ARHGAP23: variants seen among roughly 807,000 people sequenced by gnomAD.
ARHGAP23 encodes the protein rho GTPase-activating protein 23.
Under a neutral mutation model 136.3 loss-of-function variants are expected in ARHGAP23, and 34 were observed. The ratio of observed to expected loss-of-function variants is 0.25; its 90% CI spans 0.19 to 0.33. The LOEUF is 0.33. ARHGAP23 is among the 10% of genes least tolerant of loss of function. The probability of loss-of-function intolerance (pLI) is 1.00; values close to 1 mark genes in which losing one functional copy is unlikely to be tolerated. For missense variants in ARHGAP23, 1,808 were observed against 2,139.0 expected (o/e 0.85, Z 3.05); for synonymous variants, 832 against 920.5 (o/e 0.90, Z 1.74).
rs535432546 is a variant in ARHGAP23, at chr17:38,464,324, T to C, written c.483+942T>C. 3.3e-5 allele frequency among the ~76,000 whole-genome samples: 5 copies of C among 152,090 alleles called. No individual in the cohort carries two copies. The East Asian group carries it at 5.8e-4, about 18-fold the overall frequency. On this transcript the variant is annotated intron_variant, in intron 6 of 23. Transcript: ENST00000622683. ...CACACACACACTCACACTCACACAC[T>C]GCCTCTTTGTGCCTGGAGCCCCGGC...
In ARHGAP23 at chr17:38,510,783, C is replaced by A. The variant is rs557734782; in HGVS notation, c.4287C>A (p.Gly1429=). 204 of 1,495,220 alleles carry A rather than the reference C, an allele frequency of 1.4e-4. 2 individuals are homozygous for A. In the East Asian group the frequency reaches 5.0e-3, roughly 37 times the overall value. 92.6% of individuals were successfully genotyped at this position (1,495,220 alleles called of 1,614,324 possible). ...FNEWKELGGG[G]PPEPAGARAH... is the part of the protein sequence containing the mutation. ...AGTGGAAGGAGCTGGGCGGAGGGGG[C>A]CCCCCGGAGCCTGCGGGCGCGCGGG... The change falls in exon 24 of 24, where the codon GGC becomes GGA. Residue 1429 remains glycine, a synonymous_variant. Coordinates refer to ENST00000622683, the MANE Select transcript of ARHGAP23 (RefSeq NM_001199417.2). This position sits in a 1 kb window ranked among gnomAD's most constrained non-coding sequence, Gnocchi z 4.6.
At position 38,467,227 on chromosome 17, in the gene ARHGAP23, A is replaced by T; in HGVS notation, c.1544A>T (p.Asp515Val). ...PARQMNLGFG[D>V]ESPEPEASGR... ...AGACAGATGAACCTTGGATTTGGTG[A>T]CGAGTCCCCAGAGCCAGAGGCCAGT... Residue 515 changes from aspartate (D) to valine (V), a missense_variant, in exon 7 of 24, where the codon GAC becomes GTC. By Grantham distance (152) the Asp-to-Val change is radical. Transcript: ENST00000622683. 1.3e-6 allele frequency: 2 copies of T among 1,550,862 alleles called. No homozygotes were observed. The highest frequency in any genetic ancestry group is 1.7e-6 in the Non-Finnish European group (2 of 1,146,562).
rs185034754 is a variant in ARHGAP23, at chr17:38,455,248, G to A, written c.64-2854G>A. Among the ~76,000 whole-genome samples, 3 of 152,340 alleles carry A rather than the reference G, an allele frequency of 2.0e-5. 1 individual carries two copies. Among genetic ancestry groups the A allele is most frequent in the Non-Finnish European group, 2.9e-5 (2 of 68,026 alleles). ...AGGAAGAACTTCCCACAGGGGAGAT[G>A]CCAGCTCTGGCTTTTGATGGGTGTC... On this transcript the variant is annotated intron_variant, in intron 1 of 23. Transcript: ENST00000622683.
chr17:38,465,977 G>A (rs2039580807), intron 6 of ARHGAP23, among the ~76,000 whole-genome samples, 190 bp from the exon 7 acceptor site: 2 of 152,018 alleles, frequency 1.3e-5, no homozygotes, highest in African/African-American at 4.8e-5. Flanking sequence ...AAGGCTTCTT[G>A]CTTCTTCTTT....
chr17:38,477,692 G>T lies in ARHGAP23; in HGVS notation c.2232G>T (p.Ala744=), dbSNP rs995440572. ...CCGGGCCGGCGGCGGCGGGGGCTGC[G>T]GCGGCCGGCGCAGGTGAGGACGAGG... is the stretch of plus-strand genomic sequence containing the variant. ...REPGPAAAGA[A]AAGAGEDEAA... The change falls in exon 12 of 24, where the codon GCG becomes GCT. Residue 744 remains alanine (A), a synonymous_variant. Transcript: ENST00000622683. This position sits in a 1 kb window ranked among gnomAD's most constrained non-coding sequence, Gnocchi z 6.6. The T allele has an allele frequency of 7.2e-7, 1 of 1,393,462 alleles. No individual in the cohort carries two copies. Among genetic ancestry groups the T allele is most frequent in the African/African-American group, 1.5e-5 (1 of 65,376 alleles). 86.3% of individuals were successfully genotyped at this position (1,393,462 alleles called of 1,614,324 possible).
Position 38,477,719 on chromosome 17 carries a change from G to T in ARHGAP23, c.2259G>T (p.Ala753=). 1 of 1,544,406 alleles carries T rather than the reference G, an allele frequency of 6.5e-7. No individual in the cohort carries two copies. Among genetic ancestry groups the T allele is most frequent in the Non-Finnish European group, 8.7e-7 (1 of 1,143,780 alleles). ...CGGCCGGCGCAGGTGAGGACGAGGC[G>T]GCGCCCGTCTGCATCGGCTCCTGCC... is the stretch of plus-strand genomic sequence containing the variant. ...AAAAGAGEDE[A]APVCIGSCLV... The change falls in exon 12 of 24, where the codon GCG becomes GCT. Residue 753 remains alanine, a synonymous_variant. Transcript: ENST00000622683. This position sits in a 1 kb window ranked among gnomAD's most constrained non-coding sequence, Gnocchi z 6.6.
At chr17:38,490,369 A>G in intron 18 of ARHGAP23, 93 bp from the exon 19 acceptor site, 1 of 1,179,938 alleles carries the variant, frequency 8.5e-7, no homozygotes, top group South Asian at 1.3e-5. Flanking sequence ...TCCCTGAGGC[A>G]TGGTAGTGGG....
At position 38,466,858 on chromosome 17, in the gene ARHGAP23, G is replaced by A; in HGVS notation, c.1175G>A (p.Cys392Tyr). 6.5e-7 allele frequency: 1 copy of A among 1,549,278 alleles called. No individual in the cohort carries two copies. Among genetic ancestry groups the A allele is most frequent in the Middle Eastern group, 1.7e-4 (1 of 5,986 alleles). ...SQRSSARTPA[C>Y]PTRDLPGPQA... ...CGTTCGTCTGCCCGCACCCCCGCCT[G>A]CCCAACTCGGGACCTGCCAGGGCCC... The change falls in exon 7 of 24, where the codon TGC becomes TAC. Residue 392 changes from cysteine to tyrosine, a missense_variant. By Grantham distance (194) the Cys-to-Tyr change is radical (BLOSUM62 -2). This residue lies in a region of ARHGAP23 where 859 missense variants were observed against 936.4 expected (regional missense o/e 0.92). Transcript: ENST00000622683.
intron 11 of ARHGAP23, among the ~76,000 whole-genome samples, chr17:38,475,041 C>T (rs1223444785): frequency 6.6e-6 from 1 of 152,196 alleles, no homozygotes; most frequent in Non-Finnish European, 1.5e-5. Flanking sequence ...TTCTGGAGGA[C>T]CAGGCCTCCA....
chr17:38,493,541 A>T (rs2040325518), intron 20 of ARHGAP23, among the ~76,000 whole-genome samples: 1 of 152,194 alleles, frequency 6.6e-6, no homozygotes, highest in Non-Finnish European at 1.5e-5. Context: ...TAACTGAGCT[A>T]GTGTCCTTCC....
rs71138627 is a variant in ARHGAP23, at chr17:38,504,978, CTTTTTTTTTTTTTTTTTTTTTTTTTTTT to C, written c.3447+4368_3447+4395del. Among the ~76,000 whole-genome samples the C allele has an allele frequency of 2.8e-3, 122 of 43,172 alleles. 2 individuals carry two copies. Among genetic ancestry groups the C allele is most frequent in the Admixed American group, 7.5e-3 (17 of 2,274 alleles). The allele number at this position is 43,172 out of a possible 152,430, so 28.3% of individuals were successfully genotyped here. A position where few individuals can be genotyped will look rare whatever the true frequency, so the allele number is the denominator to read the frequency against. On this transcript the variant is annotated intron_variant, in intron 23 of 23. Coordinates refer to ENST00000622683, the MANE Select transcript of ARHGAP23 (RefSeq NM_001199417.2). ...ATTACTCAGAAGCCTCCCTTATCAT[CTTTTTTTTTTTTTTTTTTTTTTTTTTTT>C]TTTTTTTTTTTTTTTTTGAGACAGG...
chr17:38,510,309 G>A lies in ARHGAP23; in HGVS notation c.3813G>A (p.Ala1271=). ...CSGASGRRAG[A]GDEADDERSE... ...GCGCTAGCGGTCGGCGGGCAGGGGC[G>A]GGGGATGAGGCGGACGACGAGCGTA... Residue 1271 remains alanine (A), a synonymous_variant, in exon 24 of 24, where the codon GCG becomes GCA. Transcript: ENST00000622683. The surrounding 1 kb of genome is among the most constrained non-coding windows in gnomAD (Gnocchi z 4.6). 1 of 1,279,148 alleles carries A rather than the reference G, an allele frequency of 7.8e-7. No homozygotes were observed. Among genetic ancestry groups the A allele is most frequent in the Non-Finnish European group, 9.9e-7 (1 of 1,013,926 alleles). 79.2% of individuals were successfully genotyped at this position (1,279,148 alleles called of 1,614,324 possible). A position where few individuals can be genotyped will look rare whatever the true frequency, so the allele number is the denominator to read the frequency against.
intron 1 of ARHGAP23, among the ~76,000 whole-genome samples, chr17:38,449,509 C>A (rs1050058336): frequency 2.0e-5 from 3 of 152,220 alleles, no homozygotes; most frequent in African/African-American, 7.2e-5. Flanking sequence ...GGGAACCAGG[C>A]ATCTGAATGG....
chr17:38,428,257 C>A (rs1418706303), upstream of ARHGAP23, among the ~76,000 whole-genome samples: 1 of 149,450 alleles, frequency 6.7e-6, no homozygotes, highest in African/African-American at 2.4e-5. Flanking sequence ...TCTCAGGCAG[C>A]GCTCGCCTCT....
chr17:38,457,619 G>C (rs1478493972), intron 1 of ARHGAP23: 2 of 180,754 alleles, frequency 1.1e-5, no homozygotes, highest in Non-Finnish European at 2.3e-5. Flanking sequence ...TTTGTGGTAT[G>C]TTCCGTCTAC....
At chr17:38,462,631 T>C (rs2039489057) in intron 3 of ARHGAP23, among the ~76,000 whole-genome samples, 1 of 152,240 alleles carries the variant, frequency 6.6e-6, no homozygotes, top group South Asian at 2.1e-4. Flanking sequence ...TCTTTGTATG[T>C]CCCCATAGGT....
At chr17:38,474,143 ACTC>A (rs1415591623) in intron 11 of ARHGAP23, among the ~76,000 whole-genome samples, 1 of 151,488 alleles carries the variant, frequency 6.6e-6, no homozygotes, top group Non-Finnish European at 1.5e-5. Context: ...CTGGTCTTGA[ACTC>A]CTGACCTCAA....
rs1319344568 is a variant in ARHGAP23 at position 38,479,488 on chromosome 17, G to A, written c.2489G>A (p.Arg830His). The A allele has an allele frequency of 9.0e-6, 14 of 1,547,928 alleles. No individual in the cohort carries two copies. Among genetic ancestry groups the A allele is most frequent in the South Asian group, 3.6e-5 (3 of 83,926 alleles). ...ALISKKLNDY[R>H]KVSHSSGPKA... ...ATCAGCAAGAAGCTTAACGATTATC[G>A]CAAAGTGAGGTGAGGCCCAGCCCTC... The change falls in exon 13 of 24, where the codon CGC becomes CAC. Residue 830 changes from arginine (R) to histidine (H), a missense_variant. By Grantham distance (29) the Arg-to-His change is conservative. Around this residue, in one of 7 missense-constraint regions of ARHGAP23, gnomAD observed 139 missense variants for 264.3 expected, o/e 0.53. Transcript: ENST00000622683.
intron 22 of ARHGAP23, chr17:38,499,086 G>T (rs1004887584): frequency 4.4e-5 from 29 of 654,582 alleles, no homozygotes; most frequent in Middle Eastern, 4.0e-4. Flanking sequence ...ACCCCTGCCT[G>T]TTATCCACTT....
Sources: allele counts gnomAD v4.1 joint callset (sites outside exome capture counted in the v4.1 genomes callset), GRCh38; gene constraint gnomAD v4.1.1; regional missense constraint gnomAD v4.1.1; non-coding constraint Gnocchi (gnomAD v3.1); transcripts MANE v1.5; gene names NCBI Gene and HGNC (gene_info 2026-07-23, HGNC 2026-07-21).